RCOR3: variants seen among roughly 807,000 people sequenced by gnomAD.
The protein encoded by RCOR3 is REST corepressor 3.
RCOR3 carries 13 observed loss-of-function variants against 64.1 expected under a neutral mutation model. The observed-to-expected ratio is 0.20, with a 90% confidence interval of 0.13 to 0.32. RCOR3 has a LOEUF of 0.32. Ranked by LOEUF, RCOR3 falls within the 10% of genes least tolerant of loss-of-function variation. The pLI is 1.00. For missense variants in RCOR3, 489 were observed against 701.2 expected (o/e 0.70, Z 3.42); for synonymous variants, 215 against 239.0 (o/e 0.90, Z 0.93).
intron 4 of RCOR3, 47 bp from the exon 5 acceptor site, chr1:211,276,210 G>GGAA: frequency 1.3e-6 from 2 of 1,546,576 alleles, no homozygotes; most frequent in Non-Finnish European, 1.8e-6. Flanking sequence ...TAAGTGTGAT[G>GGAA]GAACATAAGT....
At chr1:211,280,984 CAA>C (rs57531814) in intron 7 of RCOR3, among the ~76,000 whole-genome samples, 15 of 113,990 alleles carry the variant, frequency 1.3e-4, no homozygotes, top group African/African-American at 1.8e-4. Flanking sequence ...AACTCCATCT[CAA>C]AAAAAAAAAA....
chr1:211,286,001 A>G (rs1036024369), intron 7 of RCOR3, among the ~76,000 whole-genome samples: 1 of 152,080 alleles, frequency 6.6e-6, no homozygotes, highest in African/African-American at 2.4e-5. Context: ...TCTTCTGTTA[A>G]GTATTTGCCT....
intron 2 of RCOR3, among the ~76,000 whole-genome samples, chr1:211,264,810 T>A (rs983297103): frequency 6.6e-6 from 1 of 152,374 alleles, no homozygotes; most frequent in East Asian, 1.9e-4. Flanking sequence ...TTGATAATAA[T>A]GTCTTTACTA....
chr1:211,278,823 G>A (rs1697368869), intron 6 of RCOR3, among the ~76,000 whole-genome samples: 1 of 152,046 alleles, frequency 6.6e-6, no homozygotes, highest in Admixed American at 6.5e-5. Context: ...CTCTTATTCT[G>A]TTAAATAATA....
intron 8 of RCOR3, among the ~76,000 whole-genome samples, chr1:211,294,150 A>G (rs1396570966): frequency 6.6e-6 from 1 of 152,228 alleles, no homozygotes; most frequent in East Asian, 1.9e-4. Context: ...TTGTTTGTTT[A>G]TGTATGATTT....
Position 211,278,105 on chromosome 1 carries a change from ATTT to A in RCOR3, c.517-6_517-4del. On this transcript the variant is annotated splice_polypyrimidine_tract_variant and intron_variant, in intron 5 of 11. Coordinates refer to ENST00000419091, the MANE Select transcript of RCOR3 (RefSeq NM_001136223.3). ...AATTAAACTTGCTGATATTAACATG[ATTT>A]TTTTTAAGCTTCCAGATAAGACAAT... The A allele has an allele frequency of 6.3e-7, 1 of 1,582,138 alleles. No homozygotes were observed. Among genetic ancestry groups the A allele is most frequent in the Non-Finnish European group, 8.6e-7 (1 of 1,163,412 alleles).
chr1:211,289,714 A>G (rs79536769), intron 8 of RCOR3, among the ~76,000 whole-genome samples: 4,228 of 152,290 alleles, frequency 0.028, 208 homozygotes, highest in African/African-American at 0.095. Flanking sequence ...GCAGTGATAC[A>G]TGTAGATTGT....
chr1:211,280,444 C>T (rs1042320726), intron 7 of RCOR3, among the ~76,000 whole-genome samples: 1 of 152,178 alleles, frequency 6.6e-6, no homozygotes, highest in Non-Finnish European at 1.5e-5. Context: ...TTGCACAGTA[C>T]CTGGTATATG....
chr1:211,285,079 T>C (rs1698343475), intron 7 of RCOR3, among the ~76,000 whole-genome samples: 1 of 152,220 alleles, frequency 6.6e-6, no homozygotes, highest in South Asian at 2.1e-4. Flanking sequence ...CCTTTGCTCT[T>C]CATAACTTAT....
intron 8 of RCOR3, among the ~76,000 whole-genome samples, chr1:211,289,865 T>C (rs1418352999): frequency 6.6e-6 from 1 of 152,286 alleles, no homozygotes; most frequent in East Asian, 1.9e-4. Flanking sequence ...AAAATCAGCA[T>C]CTAGAGTCAG....
intron 4 of RCOR3, among the ~76,000 whole-genome samples, chr1:211,275,529 T>C (rs34027321): frequency 0.099 from 15,106 of 152,118 alleles, 954 homozygotes; most frequent in Middle Eastern, 0.15. Flanking sequence ...CTATATCTCT[T>C]GGAAAATAAA....
Position 211,278,244 on chromosome 1 carries a change from A to C in RCOR3, c.641+3A>C. ...AATAGACATAATCAGGGTGACAGGTAGGTTGGTTACCTTCATATAGTTACA... is the reference window on the plus strand; with the variant it reads ...AATAGACATAATCAGGGTGACAGGTCGGTTGGTTACCTTCATATAGTTACA... On this transcript the variant is annotated splice_donor_region_variant and intron_variant, in intron 6 of 11. Transcript: ENST00000419091. 1 of 1,613,676 alleles carries C rather than the reference A, an allele frequency of 6.2e-7. No individual in the cohort carries two copies. Among genetic ancestry groups the C allele is most frequent in the Non-Finnish European group, 8.5e-7 (1 of 1,179,774 alleles).
At position 211,313,294 on chromosome 1, in the gene RCOR3, A is replaced by G. The variant is rs925658358; in HGVS notation, c.1318-130A>G. The G allele has an allele frequency of 5.5e-5, 80 of 1,443,340 alleles. No homozygotes were observed. Among genetic ancestry groups the G allele is most frequent in the Middle Eastern group, 1.8e-4 (1 of 5,484 alleles). The allele number at this position is 1,443,340 out of a possible 1,614,324, so 89.4% of individuals were successfully genotyped here. On this transcript the variant is annotated intron_variant, in intron 11 of 11. Transcript: ENST00000419091. This position sits in a 1 kb window ranked among gnomAD's most constrained non-coding sequence, Gnocchi z 4.7. ...AAAATAAAAGAAGCTTGTGCTTCCA[A>G]TAAACACTGGTGTTATGTTTTTGTT...
At chr1:211,277,085 C>CA (rs545435373) in intron 5 of RCOR3, among the ~76,000 whole-genome samples, 4,596 of 112,730 alleles carry the variant, frequency 0.041, 88 homozygotes, top group South Asian at 0.12. Context: ...GACTCTGTCT[C>CA]AAAAAAAAAA....
chr1:211,259,612 G>A lies in RCOR3; in HGVS notation c.52G>A (p.Ala18Thr). ...CGAGTTACTGGGGAAGAACCGATCG[G>A]CCAACGGCAGCGCCAAGAGCCCGGC... is the stretch of plus-strand genomic sequence containing the variant. ...GPELLGKNRSANGSAKSPAGG... is the reference protein window; with the variant it reads ...GPELLGKNRSTNGSAKSPAGG... The change falls in exon 1 of 12, where the codon GCC becomes ACC. Residue 18 changes from alanine to threonine, a missense_variant. This residue lies in a region of RCOR3 where 87 missense variants were observed against 84.3 expected (regional missense o/e 1.03). Transcript: ENST00000419091. 2 of 1,548,356 alleles carry A rather than the reference G, an allele frequency of 1.3e-6. No homozygotes were observed. The highest frequency in any genetic ancestry group is 2.0e-5 in the Admixed American group (1 of 50,934).
intron 8 of RCOR3, among the ~76,000 whole-genome samples, chr1:211,290,577 T>C (rs1342441794): frequency 2.0e-5 from 3 of 152,204 alleles, no homozygotes; most frequent in African/African-American, 4.8e-5. Context: ...ACGTTCTTGC[T>C]ATGTTACCCA....
At chr1:211,287,480 T>A (rs941313129) in intron 7 of RCOR3, among the ~76,000 whole-genome samples, 4 of 152,200 alleles carry the variant, frequency 2.6e-5, no homozygotes, top group Non-Finnish European at 5.9e-5. Context: ...TTAAAAAATG[T>A]TTGATCAGCA....
intron 7 of RCOR3, among the ~76,000 whole-genome samples, chr1:211,285,160 A>T (rs1452819731): frequency 1.3e-5 from 2 of 152,136 alleles, no homozygotes; most frequent in African/African-American, 2.4e-5. Flanking sequence ...GTTTCTTTTT[A>T]GTCCTTGTAT....
chr1:211,277,936 G>C (rs566001950), intron 5 of RCOR3, among the ~76,000 whole-genome samples, 181 bp from the exon 6 acceptor site: 5 of 152,270 alleles, frequency 3.3e-5, no homozygotes, highest in African/African-American at 7.2e-5. Flanking sequence ...TATTCATTCA[G>C]AAATGTCAGT....
Sources: allele counts gnomAD v4.1 joint callset (sites outside exome capture counted in the v4.1 genomes callset), GRCh38; gene constraint gnomAD v4.1.1; regional missense constraint gnomAD v4.1.1; non-coding constraint Gnocchi (gnomAD v3.1); transcripts MANE v1.5; gene names NCBI Gene and HGNC (gene_info 2026-07-23, HGNC 2026-07-21).